The following EPB42 variants were observed in gnomAD, a reference collection of about 807,000 sequenced individuals.
The protein encoded by EPB42 is protein 4.2.
EPB42 carries 49 observed loss-of-function variants against 76.9 expected under a neutral mutation model. The observed-to-expected ratio is 0.64, with a 90% confidence interval of 0.51 to 0.81. The LOEUF is 0.81. EPB42 is among the 30% of genes least tolerant of loss of function. EPB42 has a pLI of 0.00. For missense variants in EPB42, 731 were observed against 867.6 expected, an observed-to-expected ratio of 0.84 and a Z score of 1.98; for synonymous variants, 310 against 338.4, an observed-to-expected ratio of 0.92 and a Z score of 0.92.
At chr15:43,199,767 A>C (rs1283336462) in intron 12 of EPB42, among the ~76,000 whole-genome samples, 2 of 152,152 alleles carry the variant, frequency 1.3e-5, no homozygotes, top group Non-Finnish European at 2.9e-5. Flanking sequence ...CCCAGGGGGA[A>C]GTAATTGAAT....
intron 12 of EPB42, 89 bp downstream of exon 12, chr15:43,201,755 A>C: frequency 6.3e-7 from 1 of 1,587,486 alleles, no homozygotes; most frequent in Non-Finnish European, 8.7e-7. Flanking sequence ...GTCTGCATGG[A>C]CATGGCAAAG....
At chr15:43,205,453 G>A (rs1486222662) in intron 10 of EPB42, among the ~76,000 whole-genome samples, 1 of 152,150 alleles carries the variant, frequency 6.6e-6, no homozygotes, top group Non-Finnish European at 1.5e-5. Flanking sequence ...AGGCTGGAGT[G>A]CAGTGGCATG....
At chr15:43,213,466 CAG>C (rs1161662891) in intron 3 of EPB42, among the ~76,000 whole-genome samples, 2 of 152,196 alleles carry the variant, frequency 1.3e-5, no homozygotes, top group Non-Finnish European at 2.9e-5. Context: ...CACACTCAGG[CAG>C]AGAGGCCCTC....
At chr15:43,225,390 G>C (rs1379788184), upstream of EPB42, among the ~76,000 whole-genome samples, 1 of 152,192 alleles carries the variant, frequency 6.6e-6, no homozygotes, top group Non-Finnish European at 1.5e-5. Flanking sequence ...CCTTACCTAG[G>C]AGAGCAATGG....
chr15:43,209,524 G>T, intron 5 of EPB42, 73 bp from the exon 6 acceptor site: 1 of 1,496,836 alleles, frequency 6.7e-7, no homozygotes, highest in Non-Finnish European at 9.1e-7. Flanking sequence ...GGGTAAGGAG[G>T]GCTCATCACA....
chr15:43,219,205 C>T (rs189201727), intron 1 of EPB42, among the ~76,000 whole-genome samples: 1 of 152,102 alleles, frequency 6.6e-6, no homozygotes, highest in Non-Finnish European at 1.5e-5. Flanking sequence ...CGCGGACTGG[C>T]ACATCATCAT....
At chr15:43,210,549 CT>C in intron 4 of EPB42, 110 bp from the exon 5 acceptor site, 2 of 974,832 alleles carry the variant, frequency 2.1e-6, no homozygotes, top group Non-Finnish European at 3.2e-6. Context: ...TCTCGTCCTT[CT>C]CCCAGACCCG....
chr15:43,197,764 T>C (rs1163745442), intron 12 of EPB42, among the ~76,000 whole-genome samples: 1 of 152,184 alleles, frequency 6.6e-6, no homozygotes, highest in Non-Finnish European at 1.5e-5. Flanking sequence ...GGAGTTTGTT[T>C]GGAAGAGTGA....
chr15:43,220,886 T>C lies in EPB42; in HGVS notation c.-61A>G. ...GAAAGCGCCTCTCTCAAACTGTTGCTTCTGGGCTCCTTCTGGGCTTTCTGT... is the reference window on the plus strand; with the variant it reads ...GAAAGCGCCTCTCTCAAACTGTTGCCTCTGGGCTCCTTCTGGGCTTTCTGT... On this transcript the variant is annotated 5_prime_UTR_variant, in exon 1 of 13. Coordinates refer to ENST00000441366, the MANE Select transcript of EPB42 (RefSeq NM_001114134.2). The C allele has an allele frequency of 1.4e-6, 2 of 1,475,804 alleles. No individual in the cohort carries two copies. The highest frequency in any genetic ancestry group is 1.9e-6 in the Non-Finnish European group (2 of 1,063,788). The allele number at this position is 1,475,804 out of a possible 1,614,324, so 91.4% of individuals were successfully genotyped here. A position where few individuals can be genotyped will look rare whatever the true frequency, so the allele number is the denominator to read the frequency against.
In EPB42 at chr15:43,210,351, CG is replaced by C; in HGVS notation, c.637del (p.Arg213ValfsTer30). The C allele has an allele frequency of 6.2e-7, 1 of 1,613,634 alleles. No homozygotes were observed. Among genetic ancestry groups the C allele is most frequent in the Non-Finnish European group, 8.5e-7 (1 of 1,179,934 alleles). On this transcript the variant is annotated frameshift_variant, in exon 5 of 13. Coordinates refer to ENST00000441366, the MANE Select transcript of EPB42 (RefSeq NM_001114134.2). LOFTEE classifies it high-confidence loss of function. ...EKWSQPVHVA[R>X]VLGALLHFLK... ...CTCGCTTACCAAGGCACCCAACACA[CG>C]GGCCACGTGCACCGGCTGGCTCCAC... is the stretch of plus-strand genomic sequence containing the variant.
Position 43,209,399 on chromosome 15 carries a change from G to A in EPB42, c.707C>T (p.Thr236Ile), listed in dbSNP as rs1355132975. ...CTTGTTCAGCAAGGCCCCTTCCTGG[G>A]TGGCCTGGGTCTGCGGGGTGGGCAG... ...RVLPTPQTQA[T>I]QEGALLNKRR... The change falls in exon 6 of 13, where the codon ACC (threonine) becomes ATC (isoleucine). Residue 236 changes from threonine to isoleucine, a missense_variant. Thr to Ile is a moderately conservative substitution (Grantham distance 89). Transcript: ENST00000441366. The A allele has an allele frequency of 6.2e-6, 10 of 1,613,624 alleles. No individual in the cohort carries two copies. The highest frequency in any genetic ancestry group is 6.8e-6 in the Non-Finnish European group (8 of 1,179,840).
At chr15:43,215,900 C>A (rs2042371435) in intron 2 of EPB42, among the ~76,000 whole-genome samples, 1 of 152,206 alleles carries the variant, frequency 6.6e-6, no homozygotes, top group Non-Finnish European at 1.5e-5. Context: ...CCACGTTGGT[C>A]AGGCTGGTCT....
chr15:43,207,345 G>T lies in EPB42; in HGVS notation c.1172C>A (p.Ala391Asp). Residue 391 changes from alanine to aspartate, a missense_variant, in exon 9 of 13, where the codon GCC becomes GAC. By Grantham distance (126) the Ala-to-Asp change is moderately radical (BLOSUM62 -2). Coordinates refer to ENST00000441366, the MANE Select transcript of EPB42 (RefSeq NM_001114134.2). ...ACAGCACTTCCAGACCACACATGAGGCATTTATGGCAGCAAAAAGGTCTGA... is the reference window on the plus strand; with the variant it reads ...ACAGCACTTCCAGACCACACATGAGTCATTTATGGCAGCAAAAAGGTCTGA... Reference protein sequence around the residue: ...AVSDLFAAINASCVVWKCCED... With the variant: ...AVSDLFAAINDSCVVWKCCED... 8.7e-6 allele frequency: 14 copies of T among 1,614,188 alleles called. No homozygotes were observed. The highest frequency in any genetic ancestry group is 1.2e-5 in the Non-Finnish European group (14 of 1,180,028).
At position 43,216,465 on chromosome 15, in the gene EPB42, AAG is replaced by A; in HGVS notation, c.11-14_11-13del. ...CTTGATACCCAGGGCTGTTGTGGGAAAGAGAGAAGTCACGGAAACTAAGTACA... is the reference window on the plus strand; with the variant it reads ...CTTGATACCCAGGGCTGTTGTGGGAAAGAGAAGTCACGGAAACTAAGTACA... On this transcript the variant is annotated splice_polypyrimidine_tract_variant and intron_variant, in intron 1 of 12. Transcript: ENST00000441366. 2 of 1,613,858 alleles carry A rather than the reference AAG, an allele frequency of 1.2e-6. No individual in the cohort carries two copies. Among genetic ancestry groups the A allele is most frequent in the Non-Finnish European group, 1.7e-6 (2 of 1,179,982 alleles).
chr15:43,209,276 G>A lies in EPB42; in HGVS notation c.830C>T (p.Thr277Ile), dbSNP rs515726211. 11 of 1,613,982 alleles carry A rather than the reference G, an allele frequency of 6.8e-6. No individual in the cohort carries two copies. The highest frequency in any genetic ancestry group is 1.3e-5 in the African/African-American group (1 of 74,930). ...QAWVLAAVAC[T>I]VLRCLGIPAR... ...CTACAGGAGACAAGGGGACCAACCT[G>A]TGCAAGCAACAGCAGCCAACACCCA... The change falls in exon 6 of 13, where the codon ACA becomes ATA. Residue 277 changes from threonine to isoleucine, a missense_variant and splice_region_variant. Thr to Ile is a moderately conservative substitution (Grantham distance 89). Transcript: ENST00000441366.
chr15:43,202,927 G>A (rs2042147806), intron 11 of EPB42, among the ~76,000 whole-genome samples, 188 bp downstream of exon 11: 1 of 152,202 alleles, frequency 6.6e-6, no homozygotes, highest in Admixed American at 6.5e-5. Flanking sequence ...AACTAAAGAA[G>A]TTGGAAGATT....
At chr15:43,218,247 T>C in intron 1 of EPB42, among the ~76,000 whole-genome samples, 1 of 152,168 alleles carries the variant, frequency 6.6e-6, no homozygotes, top group East Asian at 1.9e-4. Context: ...TGGAATGCCT[T>C]AGTCACATCC....
chr15:43,221,401 G>T (rs1249661861), upstream of EPB42, among the ~76,000 whole-genome samples: 1 of 152,222 alleles, frequency 6.6e-6, no homozygotes, highest in East Asian at 1.9e-4. Flanking sequence ...AAAAGATAAG[G>T]AAGTAGAATT....
rs2042220762 is a variant in EPB42 at position 43,207,348 on chromosome 15, T to C, written c.1169A>G (p.Asn390Ser). Residue 390 changes from asparagine (N) to serine (S), a missense_variant, in exon 9 of 13, where the codon AAT becomes AGT. Physicochemically the swap from Asn to Ser is conservative, Grantham distance 46. Transcript: ENST00000441366. ...PAVSDLFAAI[N>S]ASCVVWKCCE... ...GCACTTCCAGACCACACATGAGGCA[T>C]TTATGGCAGCAAAAAGGTCTGACAC... 1.2e-6 allele frequency: 2 copies of C among 1,614,166 alleles called. No individual in the cohort carries two copies. Among genetic ancestry groups the C allele is most frequent in the Non-Finnish European group, 1.7e-6 (2 of 1,180,010 alleles).
Sources: allele counts gnomAD v4.1 joint callset (sites outside exome capture counted in the v4.1 genomes callset), GRCh38; gene constraint gnomAD v4.1.1; transcripts MANE v1.5; gene names NCBI Gene and HGNC (gene_info 2026-07-23, HGNC 2026-07-21).